Variants in KAZN observed in about 807,000 individuals in gnomAD.
KAZN encodes kazrin, periplakin interacting protein, also known as kazrin.
In KAZN, 40 loss-of-function variants were observed where a neutral mutation model predicts 87.4. That is an observed-to-expected ratio of 0.46 (90% CI 0.36 to 0.60). The LOEUF is 0.60. KAZN is among the 20% of genes least tolerant of loss of function. KAZN has a pLI of 0.00. For synonymous variants in KAZN, 466 were observed against 458.3 expected (o/e 1.02, Z -0.22); for missense variants, 898 against 1,073.9 (o/e 0.84, Z 2.29).
intron 1 of KAZN, among the ~76,000 whole-genome samples, chr1:13,955,600 A>T (rs902179339): frequency 6.6e-6 from 1 of 152,130 alleles, no homozygotes; most frequent in Non-Finnish European, 1.5e-5. Flanking sequence ...CTTCACAAAG[A>T]TGTTCTCCAC....
intron 10 of KAZN, among the ~76,000 whole-genome samples, chr1:15,098,603 A>T (rs1028600753): frequency 3.3e-5 from 5 of 152,356 alleles, no homozygotes; most frequent in Admixed American, 1.3e-4. Context: ...GCCCAGTGGC[A>T]TCTGATTCAG....
At chr1:14,026,863 T>C (rs573540957) in intron 1 of KAZN, among the ~76,000 whole-genome samples, 1 of 152,220 alleles carries the variant, frequency 6.6e-6, no homozygotes, top group African/African-American at 2.4e-5. Flanking sequence ...TTGGATAGGA[T>C]ACAGTGGGTT....
At chr1:14,793,959 G>A (rs181263448) in intron 1 of KAZN, among the ~76,000 whole-genome samples, 2 of 152,266 alleles carry the variant, frequency 1.3e-5, no homozygotes, top group African/African-American at 4.8e-5. Flanking sequence ...TCCACCTGAG[G>A]AAATTAAAAA....
intron 1 of KAZN, among the ~76,000 whole-genome samples, chr1:14,014,024 A>G (rs1226542690): frequency 6.6e-6 from 1 of 152,176 alleles, no homozygotes; most frequent in African/African-American, 2.4e-5. Context: ...TTGTCCTTGC[A>G]TTAAATAGCT....
At chr1:14,004,442 C>T (rs1253601234) in intron 1 of KAZN, among the ~76,000 whole-genome samples, 2 of 152,154 alleles carry the variant, frequency 1.3e-5, no homozygotes, top group Non-Finnish European at 2.9e-5. Context: ...AATGTCAATA[C>T]CAGCACTATT....
intron 1 of KAZN, among the ~76,000 whole-genome samples, chr1:14,648,015 C>T (rs1398874710): frequency 1.3e-5 from 2 of 152,154 alleles, no homozygotes; most frequent in African/African-American, 2.4e-5. Flanking sequence ...GGGTCATTCC[C>T]TTCTCTCCAC....
chr1:14,414,879 A>G (rs1227009714), intron 2 of KAZN, among the ~76,000 whole-genome samples: 5 of 152,140 alleles, frequency 3.3e-5, no homozygotes, highest in Non-Finnish European at 1.5e-5. Context: ...TACAAAAGTT[A>G]GCCAGGTATG....
chr1:15,093,834 C>T (rs1338902890), intron 8 of KAZN, among the ~76,000 whole-genome samples: 4 of 152,100 alleles, frequency 2.6e-5, no homozygotes, highest in African/African-American at 7.2e-5. Flanking sequence ...GGAATCAAAA[C>T]GGGGAGGCAG....
rs144620819 is a variant in KAZN at position 15,030,296 on chromosome 1, C to T, written c.419-4453C>T. 5.9e-3 allele frequency among the ~76,000 whole-genome samples: 902 copies of T among 151,836 alleles called. 5 individuals carry two copies. Among genetic ancestry groups the T allele is most frequent in the Non-Finnish European group, 9.7e-3 (655 of 67,848 alleles). ...ATTACTTTATTTTTTGAGACAGAGT[C>T]TCACTCTGTCTCCCAGGTGGGAGTA... is the stretch of plus-strand genomic sequence containing the variant. On this transcript the variant is annotated intron_variant, in intron 2 of 14. Transcript: ENST00000376030.
At chr1:14,801,349 C>T (rs545379820) in intron 1 of KAZN, among the ~76,000 whole-genome samples, 70 of 152,266 alleles carry the variant, frequency 4.6e-4, no homozygotes, top group African/African-American at 1.5e-3. Flanking sequence ...CGCTCACTGT[C>T]GGTTTCGTGA....
intron 2 of KAZN, among the ~76,000 whole-genome samples, chr1:14,461,749 C>T (rs1268710840): frequency 6.6e-6 from 1 of 152,092 alleles, no homozygotes; most frequent in Non-Finnish European, 1.5e-5. Flanking sequence ...ATTTCTTCAC[C>T]TTGCCCTAGA....
At chr1:14,000,902 C>A (rs1639758658) in intron 1 of KAZN, among the ~76,000 whole-genome samples, 1 of 151,486 alleles carries the variant, frequency 6.6e-6, no homozygotes, top group Non-Finnish European at 1.5e-5. Context: ...CCTGCCTCAG[C>A]CTCCCAAGTA....
intron 2 of KAZN, among the ~76,000 whole-genome samples, chr1:14,341,082 G>A (rs1340031359): frequency 1.3e-5 from 2 of 151,758 alleles, no homozygotes; most frequent in East Asian, 3.9e-4. Context: ...GAGATTGGGG[G>A]GGGTTTCACC....
intron 1 of KAZN, among the ~76,000 whole-genome samples, chr1:14,664,586 G>A (rs1639400341): frequency 6.6e-6 from 1 of 151,950 alleles, no homozygotes; most frequent in Non-Finnish European, 1.5e-5. Flanking sequence ...ACTGTGACAA[G>A]TACAATATTC....
At chr1:13,926,766 C>A (rs1640296180) in intron 1 of KAZN, among the ~76,000 whole-genome samples, 1 of 151,954 alleles carries the variant, frequency 6.6e-6, no homozygotes, top group African/African-American at 2.4e-5. Flanking sequence ...GCTGGAGTGA[C>A]ATATCATATT....
At chr1:14,180,371 T>G (rs1646171486) in intron 1 of KAZN, 1 of 1,440,124 alleles carries the variant, frequency 6.9e-7, no homozygotes, top group Non-Finnish European at 9.4e-7. Flanking sequence ...TCAAAATGGC[T>G]AGTCAATTTC....
chr1:14,611,302 AT>A (rs1677799799), intron 1 of KAZN, among the ~76,000 whole-genome samples: 1 of 152,252 alleles, frequency 6.6e-6, no homozygotes, highest in Non-Finnish European at 1.5e-5. Context: ...TGACAGCAAA[AT>A]AGAAATAATA....
At chr1:14,456,509 A>G (rs1667575433) in intron 2 of KAZN, among the ~76,000 whole-genome samples, 1 of 152,094 alleles carries the variant, frequency 6.6e-6, no homozygotes, top group South Asian at 2.1e-4. Flanking sequence ...TTTTTAATTC[A>G]TGTAGGTGAC....
chr1:14,023,687 CA>C (rs1263560057), intron 1 of KAZN, among the ~76,000 whole-genome samples: 7 of 151,936 alleles, frequency 4.6e-5, no homozygotes, highest in African/African-American at 1.7e-4. Flanking sequence ...AACAAACAAA[CA>C]AAAAAACGGG....
Sources: allele counts gnomAD v4.1 joint callset (sites outside exome capture counted in the v4.1 genomes callset), GRCh38; gene constraint gnomAD v4.1.1; transcripts MANE v1.5; gene names NCBI Gene and HGNC (gene_info 2026-07-23, HGNC 2026-07-21).